The following ADAMTS20 variants were observed in gnomAD, a reference collection of about 807,000 sequenced individuals.
ADAMTS20 encodes A disintegrin and metalloproteinase with thrombospondin motifs 20.
A neutral mutation model predicts 260.1 loss-of-function variants in ADAMTS20; 225 were observed. That is an observed-to-expected ratio of 0.87 (90% CI 0.78 to 0.97). ADAMTS20 has a LOEUF of 0.97. Among genes scored for constraint, ADAMTS20 ranks in the 50% least tolerant of loss-of-function variants. The pLI is 0.00. For missense variants in ADAMTS20, 2,400 were observed against 2,337.7 expected, an observed-to-expected ratio of 1.03 and a Z score of -0.55; for synonymous variants, 802 against 769.5, an observed-to-expected ratio of 1.04 and a Z score of -0.70.
chr12:43,364,898 C>T (rs533977515), intron 37 of ADAMTS20, among the ~76,000 whole-genome samples: 4 of 152,054 alleles, frequency 2.6e-5, no homozygotes, highest in African/African-American at 9.6e-5. Flanking sequence ...TATTAATTTA[C>T]CCATCCAAGA....
chr12:43,364,198 A>G (rs947115831), intron 37 of ADAMTS20, among the ~76,000 whole-genome samples: 6 of 152,184 alleles, frequency 3.9e-5, no homozygotes, highest in Non-Finnish European at 7.3e-5. Context: ...ATTAAAAAAA[A>G]TACACAAACA....
chr12:43,381,712 T>G (rs1592037987), intron 31 of ADAMTS20, among the ~76,000 whole-genome samples: 3 of 127,044 alleles, frequency 2.4e-5, no homozygotes, highest in Non-Finnish European at 4.6e-5. Flanking sequence ...GCCTAGGAGG[T>G]CAAGACTTCA....
chr12:43,380,701 C>T (rs1940330839), intron 31 of ADAMTS20, among the ~76,000 whole-genome samples: 13 of 152,034 alleles, frequency 8.6e-5, no homozygotes, highest in Admixed American at 8.5e-4. Context: ...AAAAGAAGTG[C>T]AAGATTTGCA....
intron 18 of ADAMTS20, among the ~76,000 whole-genome samples, chr12:43,435,660 AAAAAAT>A (rs1229706514): frequency 6.9e-6 from 1 of 144,662 alleles, no homozygotes; most frequent in Non-Finnish European, 1.5e-5. Flanking sequence ...AAAAAAAACA[AAAAAAT>A]AAAAATAAAA....
intron 16 of ADAMTS20, among the ~76,000 whole-genome samples, chr12:43,441,750 A>G (rs1941670062): frequency 6.6e-6 from 1 of 152,212 alleles, no homozygotes; most frequent in Non-Finnish European, 1.5e-5. Flanking sequence ...ACCTTTCCAG[A>G]AAACATTTGT....
chr12:43,513,294 AAACC>A (rs1352951316), intron 3 of ADAMTS20, among the ~76,000 whole-genome samples: 1 of 152,200 alleles, frequency 6.6e-6, no homozygotes, highest in Non-Finnish European at 1.5e-5. Context: ...CATTCTCAAG[AAACC>A]AACCCATAGG....
At chr12:43,358,513 A>C (rs987178446) in intron 37 of ADAMTS20, among the ~76,000 whole-genome samples, 14 of 152,094 alleles carry the variant, frequency 9.2e-5, no homozygotes, top group African/African-American at 3.4e-4. Context: ...TCTCACTCTA[A>C]ATCTGTTAAG....
rs1438182559 is a variant in ADAMTS20 at position 43,466,734 on chromosome 12, C to T, written c.1285G>A (p.Val429Ile). 6.2e-7 allele frequency: 1 copy of T among 1,610,796 alleles called. No individual in the cohort carries two copies. Among genetic ancestry groups the T allele is most frequent in the Non-Finnish European group, 8.5e-7 (1 of 1,177,580 alleles). ...TGAAAACTTAAAGCAGGGGCCATTA[C>T]ATGATACTTTGTAACTTTCATTTCT... Reference protein sequence around the residue: ...CKEMKVTKYHVMAPALSFHMS... With the variant: ...CKEMKVTKYHIMAPALSFHMS... The change falls in exon 9 of 39, where the codon GTA (valine) becomes ATA (isoleucine). Residue 429 changes from valine (V) to isoleucine (I), a missense_variant. Transcript: ENST00000389420.
intron 16 of ADAMTS20, among the ~76,000 whole-genome samples, chr12:43,443,486 G>A (rs1941703841): frequency 6.6e-6 from 1 of 151,932 alleles, no homozygotes; most frequent in African/African-American, 2.4e-5. Context: ...TAGACAAAAT[G>A]ATAGAAGAGA....
intron 37 of ADAMTS20, among the ~76,000 whole-genome samples, chr12:43,364,794 A>T (rs1039270169): frequency 6.6e-6 from 1 of 152,176 alleles, no homozygotes. Flanking sequence ...AAAAGAGCAG[A>T]GAATATATTT....
chr12:43,365,791 T>C (rs7953606), intron 37 of ADAMTS20, among the ~76,000 whole-genome samples: 2,356 of 152,048 alleles, frequency 0.015, 55 homozygotes, highest in African/African-American at 0.053. Context: ...TGTCTTTATA[T>C]TTCACTGGAA....
chr12:43,450,691 A>G (rs1464342501), intron 14 of ADAMTS20, among the ~76,000 whole-genome samples: 1 of 151,172 alleles, frequency 6.6e-6, no homozygotes, highest in South Asian at 2.1e-4. Flanking sequence ...AACTGAAGGA[A>G]TAAGTTCATA....
chr12:43,365,137 CA>C (rs1939956067), intron 37 of ADAMTS20, among the ~76,000 whole-genome samples: 1 of 151,868 alleles, frequency 6.6e-6, no homozygotes, highest in African/African-American at 2.4e-5. Context: ...AACTGTACAT[CA>C]ATAATTTTTA....
chr12:43,427,290 G>T lies in ADAMTS20; in HGVS notation c.4107+18C>A, dbSNP rs762345354. The T allele has an allele frequency of 1.9e-6, 3 of 1,609,688 alleles. No individual in the cohort carries two copies. The highest frequency in any genetic ancestry group is 2.2e-5 in the South Asian group (2 of 90,568). ...GAGATGTAATAATCTCACAAGTTTA[G>T]AAAATATTATGACTTACTTCTCCCC... is the stretch of plus-strand genomic sequence containing the variant. On this transcript the variant is annotated intron_variant, in intron 27 of 38. Coordinates refer to ENST00000389420, the MANE Select transcript of ADAMTS20 (RefSeq NM_025003.5).
Position 43,431,493 on chromosome 12 carries a change from G to A in ADAMTS20, c.3100C>T (p.Leu1034Phe). The change falls in exon 22 of 39, where the codon CTT becomes TTT. Residue 1034 changes from leucine (L) to phenylalanine (F), a missense_variant. Physicochemically the swap from Leu to Phe is conservative, Grantham distance 22. Coordinates refer to ENST00000389420, the MANE Select transcript of ADAMTS20 (RefSeq NM_025003.5). ...SWAASEWSEC[L>F]VTCGKGTKQR... ...TTTGTTCCTTTACCACATGTAACAA[G>A]GCACTGTAAGAATAAAACTGATCAT... The A allele has an allele frequency of 6.2e-7, 1 of 1,613,830 alleles. No homozygotes were observed. Among genetic ancestry groups the A allele is most frequent in the Non-Finnish European group, 8.5e-7 (1 of 1,179,818 alleles).
At chr12:43,506,979 T>C (rs1013601441) in intron 3 of ADAMTS20, among the ~76,000 whole-genome samples, 1 of 152,240 alleles carries the variant, frequency 6.6e-6, no homozygotes, top group South Asian at 2.1e-4. Flanking sequence ...GAGAGGCTGG[T>C]CAGACATACA....
chr12:43,387,584 G>T (rs1940507278), intron 29 of ADAMTS20, among the ~76,000 whole-genome samples: 3 of 152,146 alleles, frequency 2.0e-5, no homozygotes, highest in Admixed American at 2.0e-4. Context: ...CTGAAGCTGC[G>T]CCCACAGTTG....
rs576130675 is a variant in ADAMTS20, at chr12:43,389,623, G to A, written c.4453-5646C>T. On this transcript the variant is annotated intron_variant, in intron 29 of 38. Transcript: ENST00000389420. The stretch of plus-strand genomic sequence containing the variant: ...CTGAAGTTGCATGCCAGTGGCTATA[G>A]TGGTCTGGGGTCATGGGGGCAGCTC... Among the ~76,000 whole-genome samples the A allele has an allele frequency of 4.6e-5, 7 of 152,278 alleles. 1 individual carries two copies. In the South Asian group the frequency reaches 1.5e-3, roughly 32 times the overall value.
chr12:43,499,334 T>C (rs1056534373), intron 4 of ADAMTS20, among the ~76,000 whole-genome samples: 9 of 152,212 alleles, frequency 5.9e-5, no homozygotes, highest in African/African-American at 2.2e-4. Context: ...CATTGGTCTG[T>C]TGTTTCAAGC....
Sources: allele counts gnomAD v4.1 joint callset (sites outside exome capture counted in the v4.1 genomes callset), GRCh38; gene constraint gnomAD v4.1.1; transcripts MANE v1.5; gene names NCBI Gene and HGNC (gene_info 2026-07-23, HGNC 2026-07-21).